NFIC: variants seen among roughly 807,000 people sequenced by gnomAD.
The protein encoded by NFIC is nuclear factor I C.
Under a neutral mutation model 54.4 loss-of-function variants are expected in NFIC, and 12 were observed. That is an observed-to-expected ratio of 0.22 (90% CI 0.14 to 0.36). The LOEUF is 0.36. NFIC is among the 10% of genes least tolerant of loss of function. The pLI is 1.00. For missense variants in NFIC, 575 were observed against 718.2 expected, an observed-to-expected ratio of 0.80 and a Z score of 2.28; for synonymous variants, 322 against 319.2, an observed-to-expected ratio of 1.01 and a Z score of -0.09.
intron 6 of NFIC, among the ~76,000 whole-genome samples, chr19:3,440,204 A>C (rs771659327): frequency 5.9e-5 from 9 of 152,116 alleles, no homozygotes; most frequent in Non-Finnish European, 1.2e-4. Context: ...GGGCCAGACC[A>C]TCCTCTGGGG....
At position 3,396,332 on chromosome 19, in the gene NFIC, C is replaced by T. The variant is rs148536816; in HGVS notation, c.562+14089C>T. The stretch of plus-strand genomic sequence containing the variant: ...TAAAAATATGAAAATATTAGCCAGG[C>T]GTGGTGGTGGGCGCCTGTAGTCCCA... On this transcript the variant is annotated intron_variant, in intron 2 of 10. Coordinates refer to ENST00000443272, the MANE Select transcript of NFIC (RefSeq NM_001245002.2). Among the ~76,000 whole-genome samples, 191 of 152,118 alleles carry T rather than the reference C, an allele frequency of 1.3e-3. 1 individual carries two copies. The highest frequency in any genetic ancestry group is 4.4e-3 in the African/African-American group (181 of 41,492).
intron 3 of NFIC, among the ~76,000 whole-genome samples, chr19:3,426,004 G>T (rs936157225): frequency 8.2e-6 from 1 of 122,094 alleles, no homozygotes; most frequent in Non-Finnish European, 1.6e-5. Context: ...GCGCGATCTC[G>T]GCTCACTGCA....
chr19:3,425,918 C>CTTTTTTTTTTTTTTT (rs869165549), intron 3 of NFIC, among the ~76,000 whole-genome samples: 2 of 54,532 alleles, frequency 3.7e-5, no homozygotes, highest in African/African-American at 7.9e-5. Context: ...CCATGCCTGG[C>CTTTTTTTTTTTTTTT]TTTTTTTTTT....
chr19:3,363,227 A>ATGTGTGTGTGTGTGTGTGCG (rs1236874934), upstream of NFIC, among the ~76,000 whole-genome samples: 72 of 45,182 alleles, frequency 1.6e-3, 6 homozygotes, highest in Admixed American at 2.3e-3. Context: ...ATGTATATGT[A>ATGTGTGTGTGTGTGTGTGCG]TGTGTATGTG....
rs1392937638 is a variant in NFIC at position 3,462,776 on chromosome 19, T to C, written c.*7T>C. 3.2e-6 allele frequency: 5 copies of C among 1,580,518 alleles called. No individual in the cohort carries two copies. Among genetic ancestry groups the C allele is most frequent in the Non-Finnish European group, 4.3e-6 (5 of 1,154,426 alleles). On this transcript the variant is annotated 3_prime_UTR_variant, in exon 11 of 11. Coordinates refer to ENST00000443272, the MANE Select transcript of NFIC (RefSeq NM_001245002.2). ...GTCCTGGTATCTGGGATAGCAAAGG[T>C]CTTCTTCCCTCGCCCCTTCTCCATC...
intron 2 of NFIC, among the ~76,000 whole-genome samples, chr19:3,416,492 G>A (rs944824393): frequency 1.1e-4 from 17 of 150,232 alleles, no homozygotes; most frequent in African/African-American, 4.2e-4. Flanking sequence ...TTTCTATACT[G>A]TAACAACATA....
Position 3,463,171 on chromosome 19 carries a change from C to G in NFIC, c.*402C>G. 2 of 1,074,016 alleles carry G rather than the reference C, an allele frequency of 1.9e-6. No individual in the cohort carries two copies. Among genetic ancestry groups the G allele is most frequent in the Non-Finnish European group, 2.3e-6 (2 of 886,620 alleles). 66.5% of individuals were successfully genotyped at this position (1,074,016 alleles called of 1,614,324 possible). On this transcript the variant is annotated 3_prime_UTR_variant, in exon 11 of 11. Coordinates refer to ENST00000443272, the MANE Select transcript of NFIC (RefSeq NM_001245002.2). ...GACAGACGCCGGCCGCCCGCCCGCG[C>G]CCCGGAGGCCCTGGCTCTGTCCGGA...
intron 1 of NFIC, among the ~76,000 whole-genome samples, chr19:3,367,477 TC>T (rs971637728): frequency 3.7e-5 from 3 of 81,982 alleles, no homozygotes; most frequent in Admixed American, 1.2e-4. Flanking sequence ...CCCCGTCCCC[TC>T]CCCCTCCCCC....
At chr19:3,420,189 C>T (rs937323495) in intron 2 of NFIC, among the ~76,000 whole-genome samples, 2 of 152,134 alleles carry the variant, frequency 1.3e-5, no homozygotes, top group African/African-American at 4.8e-5. Flanking sequence ...GATGTGGTGG[C>T]GTGTACCTGG....
Position 3,382,107 on chromosome 19 carries a change from G to T in NFIC, c.426G>T (p.Pro142=). Residue 142 remains proline, a synonymous_variant, in exon 2 of 11, where the codon CCG becomes CCT. Transcript: ENST00000443272. ...LVMVILFKGI[P]LESTDGERLV... ...TGGTCATCCTGTTCAAGGGCATCCC[G>T]CTGGAGAGCACCGACGGCGAGCGCC... 1 of 1,613,310 alleles carries T rather than the reference G, an allele frequency of 6.2e-7. No homozygotes were observed. Among genetic ancestry groups the T allele is most frequent in the Non-Finnish European group, 8.5e-7 (1 of 1,179,954 alleles).
At chr19:3,374,156 G>T (rs1434753432) in intron 1 of NFIC, among the ~76,000 whole-genome samples, 1 of 152,194 alleles carries the variant, frequency 6.6e-6, no homozygotes, top group Non-Finnish European at 1.5e-5. Flanking sequence ...GGAGTTTCTT[G>T]TCCTGGTTTG....
chr19:3,463,249 C>A lies in NFIC; in HGVS notation c.*480C>A. 1 of 991,408 alleles carries A rather than the reference C, an allele frequency of 1.0e-6. No individual in the cohort carries two copies. The highest frequency in any genetic ancestry group is 1.2e-6 in the Non-Finnish European group (1 of 834,314). 61.4% of individuals were successfully genotyped at this position (991,408 alleles called of 1,614,324 possible). ...TGCCCAGGGCCGACAGGCGCGACAC[C>A]CAGCAAGGCCACCTCTCCCCGGGCC... is the stretch of plus-strand genomic sequence containing the variant. On this transcript the variant is annotated 3_prime_UTR_variant, in exon 11 of 11. Transcript: ENST00000443272.
In NFIC at chr19:3,370,110, G is replaced by A. The variant is rs888694460; in HGVS notation, c.30+3444G>A. 5.9e-5 allele frequency among the ~76,000 whole-genome samples: 9 copies of A among 152,192 alleles called. No individual in the cohort carries two copies. Among genetic ancestry groups the A allele is most frequent in the African/African-American group, 2.2e-4 (9 of 41,448 alleles). ...GTGTAGGTTCTTAGAGGGAGCTTGG[G>A]GGGTGCCTACCAGGAGCAGGGGGCC... On this transcript the variant is annotated intron_variant, in intron 1 of 10. Transcript: ENST00000443272. This position sits in a 1 kb window ranked among gnomAD's most constrained non-coding sequence, Gnocchi z 5.2.
chr19:3,424,863 C>T (rs1364202443), intron 2 of NFIC, among the ~76,000 whole-genome samples: 1 of 152,218 alleles, frequency 6.6e-6, no homozygotes, highest in East Asian at 1.9e-4. Flanking sequence ...TACGGGTACA[C>T]TGGCGCTCAC....
intron 6 of NFIC, among the ~76,000 whole-genome samples, chr19:3,444,457 G>A (rs2082340570): frequency 6.6e-6 from 1 of 152,246 alleles, no homozygotes; most frequent in African/African-American, 2.4e-5. Flanking sequence ...GAACAGGGAG[G>A]TCCCACAGGG....
intron 10 of NFIC, among the ~76,000 whole-genome samples, chr19:3,457,004 A>G (rs2082569811): frequency 6.6e-6 from 1 of 152,084 alleles, no homozygotes; most frequent in Non-Finnish European, 1.5e-5. Flanking sequence ...CACACAGTGC[A>G]TCACCCTCCC....
chr19:3,425,541 G>T (rs2082014283), intron 3 of NFIC, among the ~76,000 whole-genome samples: 1 of 151,238 alleles, frequency 6.6e-6, no homozygotes, highest in Non-Finnish European at 1.5e-5. Flanking sequence ...CTCACTGCAA[G>T]CTCCGCTTCC....
upstream of NFIC, among the ~76,000 whole-genome samples, chr19:3,363,269 AT>A (rs1178364391): frequency 0.051 from 1,876 of 36,524 alleles, 44 homozygotes; most frequent in South Asian, 0.082. Flanking sequence ...ATATATATAT[AT>A]TTTTTTTTTT....
At chr19:3,417,884 C>T (rs1433923106) in intron 2 of NFIC, among the ~76,000 whole-genome samples, 6 of 150,132 alleles carry the variant, frequency 4.0e-5, no homozygotes, top group African/African-American at 9.8e-5. Context: ...ATGATCCGCC[C>T]GCCTCGGCCT....
Sources: gnomAD v4.1 joint callset for allele counts (sites outside exome capture counted in the v4.1 genomes callset) on GRCh38, gnomAD v4.1.1 for gene constraint, Gnocchi (gnomAD v3.1) non-coding constraint, MANE v1.5 for transcripts, NCBI Gene and HGNC (gene_info 2026-07-23, HGNC 2026-07-21) for gene names.